The following CTNNA2 variants were observed in gnomAD, a reference collection of about 807,000 sequenced individuals.
The protein encoded by CTNNA2 is catenin alpha-2.
Under a neutral mutation model 101.0 loss-of-function variants are expected in CTNNA2, and 42 were observed. The ratio of observed to expected loss-of-function variants is 0.42; its 90% CI spans 0.32 to 0.54. The LOEUF (loss-of-function observed/expected upper bound fraction) is 0.54. Ranked by LOEUF, CTNNA2 falls within the 20% of genes least tolerant of loss-of-function variation. The probability of loss-of-function intolerance (pLI) is 0.14; values close to 1 mark genes in which losing one functional copy is unlikely to be tolerated. For synonymous variants in CTNNA2, 450 were observed against 456.4 expected (o/e 0.99, Z 0.18); for missense variants, 871 against 1,223.1 (o/e 0.71, Z 4.29).
At chr2:79,573,177 T>A (rs1675566489) in intron 1 of CTNNA2, among the ~76,000 whole-genome samples, 1 of 152,158 alleles carries the variant, frequency 6.6e-6, no homozygotes, top group Admixed American at 6.6e-5. Context: ...GTTCAAGTAA[T>A]AAAAACCGTG....
chr2:79,314,828 A>G (rs1235845557), intron 3 of CTNNA2, among the ~76,000 whole-genome samples: 1 of 152,192 alleles, frequency 6.6e-6, no homozygotes, highest in Non-Finnish European at 1.5e-5. Flanking sequence ...TGTTTCCTCC[A>G]GACACTTCAT....
intron 4 of CTNNA2, among the ~76,000 whole-genome samples, chr2:79,497,691 T>C (rs967465019): frequency 3.9e-5 from 6 of 152,200 alleles, no homozygotes; most frequent in Non-Finnish European, 8.8e-5. Flanking sequence ...ACTCAGGTAG[T>C]CCAAACAGTA....
chr2:79,248,936 C>T (rs1674732658), intron 2 of CTNNA2, among the ~76,000 whole-genome samples: 1 of 152,166 alleles, frequency 6.6e-6, no homozygotes, highest in Non-Finnish European at 1.5e-5. Flanking sequence ...ATCAGTTTTT[C>T]AACACAGAGT....
chr2:79,193,243 G>C (rs937219049), intron 1 of CTNNA2, among the ~76,000 whole-genome samples: 3 of 151,992 alleles, frequency 2.0e-5, no homozygotes, highest in African/African-American at 7.2e-5. Flanking sequence ...CCAGTTTCTT[G>C]CTAGGTCATG....
At chr2:79,458,655 G>A (rs894053838) in intron 4 of CTNNA2, among the ~76,000 whole-genome samples, 2 of 151,978 alleles carry the variant, frequency 1.3e-5, no homozygotes, top group Non-Finnish European at 2.9e-5. Context: ...AGTTCAAAAA[G>A]GAAAAATAAA....
At chr2:80,526,609 A>G (rs559756947) in intron 9 of CTNNA2, among the ~76,000 whole-genome samples, 1 of 152,198 alleles carries the variant, frequency 6.6e-6, no homozygotes, top group African/African-American at 2.4e-5. Flanking sequence ...CTGGGATTAC[A>G]GACGTGAGCC....
chr2:79,487,593 G>A (rs1671170149), intron 4 of CTNNA2, among the ~76,000 whole-genome samples: 1 of 152,156 alleles, frequency 6.6e-6, no homozygotes, highest in South Asian at 2.1e-4. Flanking sequence ...GTGCTCCAGT[G>A]GTCAGCTGCA....
At position 80,404,685 on chromosome 2, in the gene CTNNA2, G is replaced by A. The variant is rs141385946; in HGVS notation, c.1137+11394G>A. Among the ~76,000 whole-genome samples, 535 of 152,252 alleles carry A rather than the reference G, an allele frequency of 3.5e-3. 2 individuals carry two copies. Among genetic ancestry groups the A allele is most frequent in the African/African-American group, 0.013 (523 of 41,542 alleles). ...CGTGGGTTCGTAGGTTCTTAGGGGT[G>A]GAAGGGACACTATGGGTCTTCCCAG... On this transcript the variant is annotated intron_variant, in intron 8 of 18. Transcript: ENST00000402739.
At chr2:79,273,864 G>C (rs896454460) in intron 2 of CTNNA2, among the ~76,000 whole-genome samples, 1 of 151,630 alleles carries the variant, frequency 6.6e-6, no homozygotes, top group Non-Finnish European at 1.5e-5. Context: ...GACCGCCCCA[G>C]ATCTCTGAAA....
rs79740512 is a variant in CTNNA2, at chr2:79,852,243, A to G, written c.299-5770A>G. On this transcript the variant is annotated intron_variant, in intron 3 of 18. Coordinates refer to ENST00000402739, the MANE Select transcript of CTNNA2 (RefSeq NM_001282597.3). ...AACTGTCTAGAAGCTAGCTCATCGG[A>G]TGTTGTCCTTGGTTATTAAGATGTG... 4.5e-3 allele frequency among the ~76,000 whole-genome samples: 684 copies of G among 152,310 alleles called. 11 individuals are homozygous for G. Among genetic ancestry groups the G allele is most frequent in the East Asian group, 0.034 (175 of 5,184 alleles).
At chr2:79,371,641 G>T (rs941624217) in intron 3 of CTNNA2, among the ~76,000 whole-genome samples, 1 of 152,136 alleles carries the variant, frequency 6.6e-6, no homozygotes, top group Admixed American at 6.5e-5. Flanking sequence ...TTTGCAGGAG[G>T]AACATGGTTA....
At chr2:79,705,045 G>A (rs566177142) in intron 2 of CTNNA2, among the ~76,000 whole-genome samples, 32 of 152,050 alleles carry the variant, frequency 2.1e-4, no homozygotes, top group Non-Finnish European at 3.4e-4. Flanking sequence ...TATTTTTGAC[G>A]CTACATCTGG....
intron 2 of CTNNA2, among the ~76,000 whole-genome samples, chr2:79,653,363 G>A (rs1681391359): frequency 6.6e-6 from 1 of 152,138 alleles, no homozygotes; most frequent in Non-Finnish European, 1.5e-5. Context: ...AGCTGATGGT[G>A]TTACCACCGT....
chr2:79,484,979 A>G (rs1020990700), intron 4 of CTNNA2, among the ~76,000 whole-genome samples: 3 of 152,216 alleles, frequency 2.0e-5, no homozygotes, highest in African/African-American at 7.2e-5. Context: ...TTCATTTTCC[A>G]GAACATACTA....
chr2:80,256,590 C>T (rs1672172832), intron 7 of CTNNA2, among the ~76,000 whole-genome samples: 1 of 152,142 alleles, frequency 6.6e-6, no homozygotes, highest in Non-Finnish European at 1.5e-5. Context: ...ATTCAAGTTT[C>T]CTCCACTTGG....
intron 3 of CTNNA2, among the ~76,000 whole-genome samples, chr2:79,745,678 A>T (rs988042079): frequency 5.3e-5 from 8 of 152,248 alleles, no homozygotes; most frequent in Non-Finnish European, 8.8e-5. Flanking sequence ...GTGGAATCAT[A>T]CATATTAGTC....
chr2:80,223,240 A>AC (rs1708678924), intron 7 of CTNNA2, among the ~76,000 whole-genome samples: 1 of 152,190 alleles, frequency 6.6e-6, no homozygotes, highest in Non-Finnish European at 1.5e-5. Context: ...AATGAAGAAT[A>AC]CTTGTTTTCC....
chr2:80,011,975 T>TC (rs1405251798), intron 7 of CTNNA2, among the ~76,000 whole-genome samples: 1 of 152,176 alleles, frequency 6.6e-6, no homozygotes, highest in Non-Finnish European at 1.5e-5. Flanking sequence ...ACTGAAGCAG[T>TC]CATACACCAC....
At chr2:79,489,105 C>T (rs558333253) in intron 4 of CTNNA2, among the ~76,000 whole-genome samples, 13 of 152,236 alleles carry the variant, frequency 8.5e-5, no homozygotes, top group Admixed American at 3.3e-4. Flanking sequence ...ACTCTATTAT[C>T]TGCTGTGTCT....
Sources: gnomAD v4.1 joint callset for allele counts (sites outside exome capture counted in the v4.1 genomes callset) on GRCh38, gnomAD v4.1.1 for gene constraint, MANE v1.5 for transcripts, NCBI Gene and HGNC (gene_info 2026-07-23, HGNC 2026-07-21) for gene names.